PRKN: variants seen among roughly 807,000 people sequenced by gnomAD.
PRKN encodes the protein parkin RBR E3 ubiquitin protein ligase, also known as E3 ubiquitin-protein ligase parkin.
Under a neutral mutation model 59.5 loss-of-function variants are expected in PRKN, and 56 were observed. The ratio of observed to expected loss-of-function variants is 0.94; its 90% CI spans 0.76 to 1.18. PRKN has a LOEUF of 1.18. PRKN is among the 50% of genes most tolerant of loss of function. PRKN has a pLI of 0.00. For synonymous variants in PRKN, 250 were observed against 222.1 expected, an observed-to-expected ratio of 1.13 and a Z score of -1.12; for missense variants, 657 against 596.4, an observed-to-expected ratio of 1.10 and a Z score of -1.06.
chr6:161,692,753 A>AAAAC (rs947909165), intron 7 of PRKN, among the ~76,000 whole-genome samples: 2 of 152,088 alleles, frequency 1.3e-5, no homozygotes, highest in East Asian at 1.9e-4. Flanking sequence ...AAAAACAAAC[A>AAAAC]AAACAAACAA....
In PRKN at chr6:161,447,292, C is replaced by T. The variant is rs912666829; in HGVS notation, c.1084-60415G>A. Among the ~76,000 whole-genome samples, 5 of 152,288 alleles carry T rather than the reference C, an allele frequency of 3.3e-5. No homozygotes were observed. Among genetic ancestry groups the T allele is most frequent in the East Asian group, 3.9e-4 (2 of 5,178 alleles). On this transcript the variant is annotated intron_variant, in intron 9 of 11. Transcript: ENST00000366898. The surrounding 1 kb of genome is among the most constrained non-coding windows in gnomAD (Gnocchi z 4.1). Reference sequence around the variant, plus strand: ...GACATGCTCAATCTAGGGTTTCCCGCGGCTAAACCCTAAAATTCACTTCGA... The same window carrying T: ...GACATGCTCAATCTAGGGTTTCCCGTGGCTAAACCCTAAAATTCACTTCGA...
chr6:161,977,548 T>G lies in PRKN; in HGVS notation c.619-4131A>C, dbSNP rs575977256. ...TCTACTTTCTGTTTTTTTGGTTTTTTTTTTTTTTTTTTTTTTTAAGACAGA... is the reference window on the plus strand; with the variant it reads ...TCTACTTTCTGTTTTTTTGGTTTTTGTTTTTTTTTTTTTTTTTAAGACAGA... On this transcript the variant is annotated intron_variant, in intron 5 of 11. Coordinates refer to ENST00000366898, the MANE Select transcript of PRKN (RefSeq NM_004562.3). Among the ~76,000 whole-genome samples, 44 of 145,844 alleles carry G rather than the reference T, an allele frequency of 3.0e-4. 2 individuals carry two copies. The highest frequency in any genetic ancestry group is 2.9e-3 in the South Asian group (13 of 4,528).
At chr6:162,405,521 G>A (rs1022745595) in intron 2 of PRKN, among the ~76,000 whole-genome samples, 1 of 152,122 alleles carries the variant, frequency 6.6e-6, no homozygotes, top group African/African-American at 2.4e-5. Flanking sequence ...GCAGATGCCA[G>A]GTGCTATGAA....
intron 9 of PRKN, among the ~76,000 whole-genome samples, chr6:161,411,485 T>C (rs1473819775): frequency 6.6e-6 from 1 of 152,202 alleles, no homozygotes; most frequent in Non-Finnish European, 1.5e-5. Context: ...GTCTCAGGTA[T>C]GTATTTATTA....
intron 1 of PRKN, among the ~76,000 whole-genome samples, chr6:162,682,556 T>C (rs1409286160): frequency 3.3e-5 from 5 of 152,112 alleles, no homozygotes; most frequent in African/African-American, 4.8e-5. Context: ...AAACATTGAA[T>C]ACACATAGAC....
intron 2 of PRKN, among the ~76,000 whole-genome samples, chr6:162,439,087 A>G (rs7754380): frequency 0.12 from 17,498 of 152,072 alleles, 1,394 homozygotes; most frequent in African/African-American, 0.23. Flanking sequence ...CCCATCAGTG[A>G]GTGTTTTATT....
chr6:161,809,448 A>T (rs895590279), intron 6 of PRKN, among the ~76,000 whole-genome samples: 9 of 152,200 alleles, frequency 5.9e-5, no homozygotes, highest in Non-Finnish European at 4.4e-5. Flanking sequence ...AAACTGGGTC[A>T]AGGTATATGC....
chr6:162,010,893 T>A (rs1398690142), intron 5 of PRKN, among the ~76,000 whole-genome samples: 1 of 9,394 alleles, frequency 1.1e-4, no homozygotes, highest in African/African-American at 1.3e-3. Flanking sequence ...TATAATATAT[T>A]ATATATACTA....
At chr6:161,474,473 T>C (rs749830104) in intron 9 of PRKN, among the ~76,000 whole-genome samples, 7 of 152,216 alleles carry the variant, frequency 4.6e-5, no homozygotes, top group Admixed American at 1.3e-4. Context: ...GTTATAAACA[T>C]AGGTATGAAT....
intron 6 of PRKN, among the ~76,000 whole-genome samples, chr6:161,833,762 C>CA (rs1374707144): frequency 2.6e-5 from 4 of 152,158 alleles, no homozygotes; most frequent in Non-Finnish European, 5.9e-5. Flanking sequence ...GCACCCACGA[C>CA]AGTGGACACA....
chr6:162,691,766 A>G (rs1233745656), intron 1 of PRKN, among the ~76,000 whole-genome samples: 3 of 152,224 alleles, frequency 2.0e-5, no homozygotes, highest in African/African-American at 7.2e-5. Flanking sequence ...ACCAGTGAGA[A>G]ATAAATTCAA....
At chr6:162,206,083 G>A (rs192200326) in intron 3 of PRKN, among the ~76,000 whole-genome samples, 117 of 152,246 alleles carry the variant, frequency 7.7e-4, no homozygotes, top group South Asian at 1.2e-3. Context: ...GACAGAAACA[G>A]GGGGGACTTC....
At chr6:161,662,730 C>T (rs1225255269) in intron 7 of PRKN, among the ~76,000 whole-genome samples, 1 of 151,934 alleles carries the variant, frequency 6.6e-6, no homozygotes, top group Non-Finnish European at 1.5e-5. Flanking sequence ...ATCTGAAACC[C>T]AAGGTTTCAG....
At chr6:161,398,483 G>T (rs530184393) in intron 9 of PRKN, among the ~76,000 whole-genome samples, 6 of 152,030 alleles carry the variant, frequency 3.9e-5, no homozygotes, top group Non-Finnish European at 5.9e-5. Flanking sequence ...CAGGATCCCC[G>T]AGTGACTTGT....
At chr6:162,123,171 T>C (rs185164824) in intron 4 of PRKN, among the ~76,000 whole-genome samples, 195 of 152,164 alleles carry the variant, frequency 1.3e-3, no homozygotes, top group Admixed American at 2.2e-3. Flanking sequence ...GAGAAATGGA[T>C]CTCATTTACA....
intron 7 of PRKN, among the ~76,000 whole-genome samples, chr6:161,648,903 A>C (rs1784054372): frequency 6.6e-6 from 1 of 152,172 alleles, no homozygotes; most frequent in South Asian, 2.1e-4. Flanking sequence ...GTCTCTTAGG[A>C]ATAAAGCAAT....
At chr6:162,369,914 C>T (rs1785657566) in intron 2 of PRKN, among the ~76,000 whole-genome samples, 1 of 152,126 alleles carries the variant, frequency 6.6e-6, no homozygotes, top group African/African-American at 2.4e-5. Flanking sequence ...AATAAGCATC[C>T]TCGTCATGGG....
At chr6:162,095,288 G>A (rs1036122397) in intron 4 of PRKN, among the ~76,000 whole-genome samples, 2 of 152,110 alleles carry the variant, frequency 1.3e-5, no homozygotes, top group African/African-American at 2.4e-5. Context: ...ACACCTCCCC[G>A]ACTCTAAAAA....
At chr6:162,017,655 G>C (rs1196119220) in intron 5 of PRKN, among the ~76,000 whole-genome samples, 2 of 152,166 alleles carry the variant, frequency 1.3e-5, no homozygotes, top group Non-Finnish European at 2.9e-5. Flanking sequence ...AGGCTCAACA[G>C]TATGGGCTTT....
Sources: allele counts gnomAD v4.1 joint callset (sites outside exome capture counted in the v4.1 genomes callset), GRCh38; gene constraint gnomAD v4.1.1; non-coding constraint Gnocchi (gnomAD v3.1); transcripts MANE v1.5; gene names NCBI Gene and HGNC (gene_info 2026-07-23, HGNC 2026-07-21).